Variants in THRAP3 observed in about 807,000 individuals in gnomAD.
THRAP3 encodes the protein thyroid hormone receptor-associated protein 3.
In THRAP3, 16 loss-of-function variants were observed where a neutral mutation model predicts 101.0. That is an observed-to-expected ratio of 0.16 (90% CI 0.11 to 0.24). THRAP3 has a LOEUF of 0.24. Ranked by LOEUF, THRAP3 falls within the 10% of genes least tolerant of loss-of-function variation. THRAP3 has a pLI of 1.00. For synonymous variants in THRAP3, 407 were observed against 422.6 expected (o/e 0.96, Z 0.45); for missense variants, 989 against 1,202.7 (o/e 0.82, Z 2.63).
At chr1:36,249,728 T>C (rs1241404074) in intron 1 of THRAP3, among the ~76,000 whole-genome samples, 2 of 69,172 alleles carry the variant, frequency 2.9e-5, no homozygotes, top group Non-Finnish European at 7.9e-5. Context: ...GTGGTGGAGG[T>C]TGAGACAGGA....
chr1:36,241,412 TATATATATATATATATAC>T (rs1557811396), intron 1 of THRAP3, among the ~76,000 whole-genome samples: 4 of 85,632 alleles, frequency 4.7e-5, no homozygotes, highest in African/African-American at 1.7e-4. Context: ...TATATATATA[TATATATATATATATATAC>T]ACATATATAA....
chr1:36,290,469 G>A (rs572535358), intron 5 of THRAP3, among the ~76,000 whole-genome samples: 18 of 148,656 alleles, frequency 1.2e-4, no homozygotes, highest in African/African-American at 4.5e-4. Context: ...GATTACAGGC[G>A]TGAGCACCGC....
intron 1 of THRAP3, among the ~76,000 whole-genome samples, chr1:36,237,819 T>G (rs917738898): frequency 1.6e-4 from 24 of 151,958 alleles, no homozygotes; most frequent in African/African-American, 2.4e-4. Context: ...AATAGGTTTT[T>G]TTTGTGTGTG....
At chr1:36,225,048 A>T (rs1183961366) in intron 1 of THRAP3, 3 of 152,178 alleles carry the variant, frequency 2.0e-5, no homozygotes, top group Non-Finnish European at 4.4e-5. Context: ...CTTGGGCTGG[A>T]GCTGAGGCCG....
At chr1:36,265,117 T>C (rs986839968) in intron 2 of THRAP3, among the ~76,000 whole-genome samples, 1 of 152,182 alleles carries the variant, frequency 6.6e-6, no homozygotes, top group Non-Finnish European at 1.5e-5. Flanking sequence ...TTTGGATGGG[T>C]AGATGGGTCA....
At chr1:36,290,923 G>A (rs570493198) in intron 5 of THRAP3, among the ~76,000 whole-genome samples, 9 of 152,120 alleles carry the variant, frequency 5.9e-5, no homozygotes, top group Admixed American at 1.3e-4. Flanking sequence ...CCCCACTCCC[G>A]CTTCATGACA....
chr1:36,270,273 C>T (rs1645570484), intron 2 of THRAP3, among the ~76,000 whole-genome samples: 1 of 152,018 alleles, frequency 6.6e-6, no homozygotes, highest in South Asian at 2.1e-4. Flanking sequence ...GCCGGTAGTC[C>T]CAGCTACTCA....
In THRAP3 at chr1:36,246,074, C is replaced by G. The variant is rs1226935129; in HGVS notation, c.-134-13308C>G. 3.9e-5 allele frequency among the ~76,000 whole-genome samples: 6 copies of G among 152,202 alleles called. No individual in the cohort carries two copies. The East Asian group carries it at 5.8e-4, about 15-fold the overall frequency. ...TGAGGCAAGGAAAGATGAAACAGAT[C>G]CAGGATTGCACAGCTAGTAAAGGGG... On this transcript the variant is annotated intron_variant, in intron 1 of 11. Transcript: ENST00000354618.
rs530970643 is a variant in THRAP3, at chr1:36,289,567, G to C, written c.1548G>C (p.Val516=). The part of the protein sequence containing the change: ...KRSEGGHRGF[V]PEKNFRVTAY... The stretch of plus-strand genomic sequence containing the variant: ...GCGAAGGTGGGCACAGGGGCTTTGT[G>C]CCTGAGAAGAATTTCCGAGTGACTG... The change falls in exon 5 of 12, where the codon GTG becomes GTC. Residue 516 remains valine (V), a synonymous_variant. Transcript: ENST00000354618. The C allele has an allele frequency of 2.5e-6, 4 of 1,613,960 alleles. No homozygotes were observed. Among genetic ancestry groups the C allele is most frequent in the Non-Finnish European group, 3.4e-6 (4 of 1,180,004 alleles).
chr1:36,278,704 A>G (rs1645693025), intron 2 of THRAP3, among the ~76,000 whole-genome samples: 1 of 152,124 alleles, frequency 6.6e-6, no homozygotes. Context: ...TGGGCGGATC[A>G]CGAAGTCAGG....
intron 1 of THRAP3, among the ~76,000 whole-genome samples, chr1:36,252,112 G>T (rs1453688720): frequency 6.6e-6 from 1 of 152,016 alleles, no homozygotes; most frequent in African/African-American, 2.4e-5. Context: ...TATTCATGAG[G>T]GTTTATTTTT....
chr1:36,242,086 TA>T, intron 1 of THRAP3: 1 of 179,688 alleles, frequency 5.6e-6, no homozygotes, highest in South Asian at 1.3e-4. Context: ...ATTTTTGTTA[TA>T]AACCTAACTG....
At chr1:36,259,152 G>A (rs1185526695) in intron 1 of THRAP3, among the ~76,000 whole-genome samples, 1 of 152,202 alleles carries the variant, frequency 6.6e-6, no homozygotes, top group African/African-American at 2.4e-5. Context: ...GCCAGTGAAA[G>A]TATCAGGTTA....
intron 4 of THRAP3, 106 bp downstream of exon 4, chr1:36,287,376 C>T: frequency 7.1e-7 from 1 of 1,402,660 alleles, no homozygotes; most frequent in Non-Finnish European, 9.4e-7. Flanking sequence ...AAAAGGTAAT[C>T]CCTATTTCCT....
intron 10 of THRAP3, 105 bp downstream of exon 10, chr1:36,301,189 A>C: frequency 8.6e-7 from 1 of 1,158,060 alleles, no homozygotes; most frequent in East Asian, 2.6e-5. Flanking sequence ...TAAGTAATCC[A>C]ATCCAAAGAC....
intron 2 of THRAP3, among the ~76,000 whole-genome samples, chr1:36,272,703 C>G (rs542623241): frequency 2.0e-5 from 3 of 152,270 alleles, no homozygotes; most frequent in Admixed American, 6.5e-5. Context: ...ATGGCTTGTT[C>G]ACCAAGAATT....
chr1:36,263,887 T>C (rs1442766592), intron 2 of THRAP3, among the ~76,000 whole-genome samples: 1 of 152,260 alleles, frequency 6.6e-6, no homozygotes, highest in Non-Finnish European at 1.5e-5. Flanking sequence ...GAGATTTGTC[T>C]TCCAAAGGTG....
intron 1 of THRAP3, among the ~76,000 whole-genome samples, chr1:36,228,168 C>G (rs1644983980): frequency 6.6e-6 from 1 of 151,814 alleles, no homozygotes; most frequent in South Asian, 2.1e-4. Context: ...CTGCCTTAGC[C>G]TCCTGAGTAG....
At chr1:36,255,455 C>T (rs955720858) in intron 1 of THRAP3, among the ~76,000 whole-genome samples, 1 of 151,472 alleles carries the variant, frequency 6.6e-6, no homozygotes, top group South Asian at 2.1e-4. Flanking sequence ...TAGTGAGACC[C>T]TGTCTCTATT....
Sources: gnomAD v4.1 joint callset for allele counts (sites outside exome capture counted in the v4.1 genomes callset) on GRCh38, gnomAD v4.1.1 for gene constraint, MANE v1.5 for transcripts, NCBI Gene and HGNC (gene_info 2026-07-23, HGNC 2026-07-21) for gene names.